SLC44A5: variants seen among roughly 807,000 people sequenced by gnomAD.
SLC44A5 encodes solute carrier family 44 member 5.
In SLC44A5, 57 loss-of-function variants were observed where a neutral mutation model predicts 101.8. That is an observed-to-expected ratio of 0.56 (90% CI 0.45 to 0.70). SLC44A5 has a LOEUF of 0.70. Among genes scored for constraint, SLC44A5 ranks in the 30% least tolerant of loss-of-function variants. SLC44A5 has a pLI of 0.00. For synonymous variants in SLC44A5, 281 were observed against 290.9 expected (o/e 0.97, Z 0.35); for missense variants, 737 against 853.1 (o/e 0.86, Z 1.70).
chr1:75,616,381 C>G, the SLC44A5 span, among the ~76,000 whole-genome samples: 1 of 152,212 alleles, frequency 6.6e-6, no homozygotes, highest in Non-Finnish European at 1.5e-5. Flanking sequence ...GGAGAGACCG[C>G]GGCCATCTGG....
intron 2 of SLC44A5, among the ~76,000 whole-genome samples, chr1:75,411,020 A>G (rs1431057411): frequency 6.6e-6 from 1 of 152,094 alleles, no homozygotes; most frequent in African/African-American, 2.4e-5. Context: ...GGGAAAAATT[A>G]AAACGTGATG....
intron 2 of SLC44A5, among the ~76,000 whole-genome samples, chr1:75,506,536 G>A (rs1375630355): frequency 6.6e-6 from 1 of 152,078 alleles, no homozygotes; most frequent in African/African-American, 2.4e-5. Context: ...GTGTTTCGTA[G>A]TTCTTGGAGA....
chr1:75,232,910 G>A (rs564260624), intron 12 of SLC44A5, among the ~76,000 whole-genome samples: 8 of 152,298 alleles, frequency 5.3e-5, no homozygotes, highest in African/African-American at 1.7e-4. Flanking sequence ...TATGTGCAAA[G>A]CTCTTCTTCA....
chr1:75,487,323 GAT>G (rs1668204669), intron 2 of SLC44A5, among the ~76,000 whole-genome samples: 1 of 152,164 alleles, frequency 6.6e-6, no homozygotes. Context: ...CAGAAGTGAT[GAT>G]ACTTGGCTGA....
At chr1:75,387,231 G>A (rs1343243316) in intron 3 of SLC44A5, among the ~76,000 whole-genome samples, 3 of 152,110 alleles carry the variant, frequency 2.0e-5, no homozygotes, top group African/African-American at 7.2e-5. Context: ...AAACTAAAGT[G>A]CTTCTGCGCA....
chr1:75,327,688 T>C (rs1656704596), intron 4 of SLC44A5, among the ~76,000 whole-genome samples: 1 of 152,184 alleles, frequency 6.6e-6, no homozygotes, highest in Non-Finnish European at 1.5e-5. Context: ...ACAAAACTAA[T>C]ATGTGAGTAG....
chr1:75,655,354 C>T, the SLC44A5 span, among the ~76,000 whole-genome samples: 1 of 152,050 alleles, frequency 6.6e-6, no homozygotes, highest in African/African-American at 2.4e-5. Flanking sequence ...TTCAGGTGCC[C>T]AGGAAGGGAG....
chr1:75,576,474 C>T (rs1237912291), intron 1 of SLC44A5, among the ~76,000 whole-genome samples: 4 of 130,874 alleles, frequency 3.1e-5, no homozygotes, highest in Admixed American at 8.2e-5. Flanking sequence ...CCACCACGCC[C>T]GGCTAATTTT....
At chr1:75,590,076 G>T (rs1271950687) in intron 1 of SLC44A5, among the ~76,000 whole-genome samples, 1 of 152,060 alleles carries the variant, frequency 6.6e-6, no homozygotes, top group African/African-American at 2.4e-5. Context: ...ACGACGTACT[G>T]AGACACCAGC....
chr1:75,550,872 G>C (rs1455926717), intron 1 of SLC44A5, among the ~76,000 whole-genome samples: 1 of 152,108 alleles, frequency 6.6e-6, no homozygotes, highest in Non-Finnish European at 1.5e-5. Flanking sequence ...CCATGACCCA[G>C]TCTAGGATAT....
chr1:75,218,876 ACTC>A, intron 16 of SLC44A5, 124 bp from the exon 17 acceptor site: 1 of 844,870 alleles, frequency 1.2e-6, no homozygotes, highest in Non-Finnish European at 1.8e-6. Flanking sequence ...TCCTGCTCTT[ACTC>A]CTCTATTTTC....
chr1:75,303,671 C>T (rs1654682618), intron 4 of SLC44A5, among the ~76,000 whole-genome samples: 1 of 152,188 alleles, frequency 6.6e-6, no homozygotes. Flanking sequence ...AACACTAAAG[C>T]ATCAGGAACT....
chr1:75,703,535 T>A, the SLC44A5 span, among the ~76,000 whole-genome samples: 1 of 151,910 alleles, frequency 6.6e-6, no homozygotes, highest in African/African-American at 2.4e-5. Context: ...GGGGGAGGGA[T>A]AGCTTTAGGA....
the SLC44A5 span, among the ~76,000 whole-genome samples, chr1:75,714,686 C>A: frequency 6.6e-6 from 1 of 151,928 alleles, no homozygotes; most frequent in African/African-American, 2.4e-5. Context: ...GTAGTATTTT[C>A]TTTTTTTTGA....
intron 23 of SLC44A5, chr1:75,206,252 G>A (rs530892965): frequency 4.6e-4 from 85 of 183,022 alleles, no homozygotes; most frequent in Middle Eastern, 5.0e-3. Context: ...CATTTATAGT[G>A]TTTTCAAAAA....
At chr1:75,588,036 C>A (rs1674119195) in intron 1 of SLC44A5, among the ~76,000 whole-genome samples, 1 of 152,206 alleles carries the variant, frequency 6.6e-6, no homozygotes, top group East Asian at 1.9e-4. Context: ...TGTGGGTATA[C>A]ACAGGACAAA....
intron 1 of SLC44A5, among the ~76,000 whole-genome samples, chr1:75,586,612 A>G (rs947940114): frequency 6.6e-6 from 1 of 151,786 alleles, no homozygotes; most frequent in Non-Finnish European, 1.5e-5. Flanking sequence ...GCCTTAACTG[A>G]CACCTGTCTT....
chr1:75,614,171 G>A (rs114394444), upstream of SLC44A5, among the ~76,000 whole-genome samples: 1 of 152,110 alleles, frequency 6.6e-6, no homozygotes, highest in African/African-American at 2.4e-5. Context: ...TAGCTCATAC[G>A]CCTTGTCAAT....
chr1:75,295,431 T>C (rs958851779), intron 5 of SLC44A5, among the ~76,000 whole-genome samples: 5 of 152,194 alleles, frequency 3.3e-5, no homozygotes, highest in African/African-American at 1.2e-4. Context: ...CTCAAACTTT[T>C]CTCCCTGAGA....
Sources: allele counts gnomAD v4.1 joint callset (sites outside exome capture counted in the v4.1 genomes callset), GRCh38; gene constraint gnomAD v4.1.1; transcripts MANE v1.5; gene names NCBI Gene and HGNC (gene_info 2026-07-23, HGNC 2026-07-21).